The following ZNF395 variants were observed in gnomAD, a reference collection of about 807,000 sequenced individuals.
The protein encoded by ZNF395 is HD gene regulatory region-binding protein 2.
In ZNF395, 20 loss-of-function variants were observed where a neutral mutation model predicts 57.7. The observed-to-expected ratio is 0.35, with a 90% CI of 0.24 to 0.50. The LOEUF (loss-of-function observed/expected upper bound fraction) is 0.50. Among genes scored for constraint, ZNF395 ranks in the 20% least tolerant of loss-of-function variants. The pLI, the probability that ZNF395 is intolerant of heterozygous loss-of-function variation, is 0.97. For missense variants in ZNF395, 606 were observed against 671.2 expected, an observed-to-expected ratio of 0.90 and a Z score of 1.07; for synonymous variants, 295 against 275.9, an observed-to-expected ratio of 1.07 and a Z score of -0.69.
intron 4 of ZNF395, among the ~76,000 whole-genome samples, chr8:28,354,281 G>T (rs1345488750): frequency 6.6e-6 from 1 of 152,116 alleles, no homozygotes; most frequent in East Asian, 1.9e-4. Context: ...GCCCAACCCA[G>T]ACTCTCACTC....
chr8:28,358,162 T>C (rs1801805326), intron 3 of ZNF395, among the ~76,000 whole-genome samples: 2 of 146,024 alleles, frequency 1.4e-5, no homozygotes, highest in African/African-American at 5.0e-5. Context: ...TTTTTTTTTT[T>C]TTTTTTTTTT....
At position 28,345,878 on chromosome 8, in the gene ZNF395, A is replaced by G. The variant is rs1011594384; in HGVS notation, c.*2841T>C. The stretch of plus-strand genomic sequence containing the variant: ...ACCAAATGAATATTGTTCTCCAAGG[A>G]GTCAAGCTATAGACTCACAATGACA... On this transcript the variant is annotated 3_prime_UTR_variant, in exon 10 of 10. Coordinates refer to ENST00000344423, the MANE Select transcript of ZNF395 (RefSeq NM_018660.3). The G allele has an allele frequency of 2.0e-5, 3 of 152,288 alleles. No individual in the cohort carries two copies. Among genetic ancestry groups the G allele is most frequent in the Admixed American group, 2.0e-4 (3 of 15,258 alleles). 9.4% of individuals were successfully genotyped at this position (152,288 alleles called of 1,614,324 possible). A position where few individuals can be genotyped will look rare whatever the true frequency, so the allele number is the denominator to read the frequency against.
intron 1 of ZNF395, among the ~76,000 whole-genome samples, chr8:28,370,417 T>G (rs1456927830): frequency 6.6e-6 from 1 of 152,192 alleles, no homozygotes; most frequent in Non-Finnish European, 1.5e-5. Flanking sequence ...GGAAGCCATT[T>G]AAGGAATCTT....
intron 1 of ZNF395, among the ~76,000 whole-genome samples, chr8:28,363,466 T>G (rs759865243): frequency 2.0e-5 from 3 of 152,142 alleles, no homozygotes; most frequent in Admixed American, 6.5e-5. Context: ...GTCACCTACA[T>G]ACCTTCGTCT....
intron 1 of ZNF395, among the ~76,000 whole-genome samples, chr8:28,364,977 T>C (rs1166206090): frequency 6.6e-6 from 1 of 152,178 alleles, no homozygotes; most frequent in African/African-American, 2.4e-5. Flanking sequence ...TTTATACACA[T>C]ATTGCCCTCT....
intron 1 of ZNF395, among the ~76,000 whole-genome samples, chr8:28,365,012 G>T (rs144994765): frequency 2.3e-4 from 35 of 152,304 alleles, no homozygotes; most frequent in African/African-American, 7.5e-4. Flanking sequence ...AGGGATAATG[G>T]AATCAACCCA....
chr8:28,366,070 C>T (rs1801906883), intron 1 of ZNF395, among the ~76,000 whole-genome samples: 1 of 152,144 alleles, frequency 6.6e-6, no homozygotes. Flanking sequence ...AGTCATAAGT[C>T]AAAGTGATTC....
intron 1 of ZNF395, among the ~76,000 whole-genome samples, chr8:28,379,140 T>C (rs1003382381): frequency 2.0e-5 from 3 of 152,070 alleles, no homozygotes; most frequent in Non-Finnish European, 4.4e-5. Context: ...ACCAGGAAAA[T>C]ATTTGAAGGT....
intron 1 of ZNF395, among the ~76,000 whole-genome samples, chr8:28,377,008 C>T (rs1802050051): frequency 6.6e-6 from 1 of 152,184 alleles, no homozygotes; most frequent in Non-Finnish European, 1.5e-5. Flanking sequence ...TGAGATAAAC[C>T]TCTATTCTCT....
rs370573792 is a variant in ZNF395, at chr8:28,361,041, G to A, written c.84C>T (p.Pro28=). Residue 28 remains proline, a synonymous_variant, in exon 2 of 10, where the codon CCC becomes CCT. Coordinates refer to ENST00000344423, the MANE Select transcript of ZNF395 (RefSeq NM_018660.3). ...GTGGCTCCGAGGGTGGGGCAGCCGA[G>A]GGCCCCTCCGAGGCACTGGGTCCCA... The part of the protein sequence containing the change: ...RVLGPSASEG[P]SAAPPSEPLL... 3.7e-6 allele frequency: 6 copies of A among 1,609,696 alleles called. No homozygotes were observed. The African/African-American group carries it at 6.7e-5, about 18-fold the overall frequency.
chr8:28,348,497 T>C lies in ZNF395; in HGVS notation c.*222A>G, dbSNP rs1801635672. 2.0e-6 allele frequency: 1 copy of C among 507,560 alleles called. No individual in the cohort carries two copies. Among genetic ancestry groups the C allele is most frequent in the African/African-American group, 1.9e-5 (1 of 51,774 alleles). The allele number at this position is 507,560 out of a possible 1,614,324, so 31.4% of individuals were successfully genotyped here. ...ATAGCCTTGGTCAGTTTTGGCTCTC[T>C]CCTATTTTAGGGGGAAAAATATTTT... On this transcript the variant is annotated 3_prime_UTR_variant, in exon 10 of 10. Coordinates refer to ENST00000344423, the MANE Select transcript of ZNF395 (RefSeq NM_018660.3).
chr8:28,350,402 C>T (rs1041025334), intron 7 of ZNF395, among the ~76,000 whole-genome samples: 45 of 152,210 alleles, frequency 3.0e-4, no homozygotes, highest in African/African-American at 1.1e-3. Context: ...CGCTGGTCTA[C>T]GTGCTAGCCT....
At chr8:28,371,166 T>C (rs1373693125) in intron 1 of ZNF395, among the ~76,000 whole-genome samples, 1 of 152,224 alleles carries the variant, frequency 6.6e-6, no homozygotes, top group East Asian at 1.9e-4. Context: ...AGCCCAAATG[T>C]GTCTGATTTC....
In ZNF395 at chr8:28,346,536, C is replaced by A. The variant is rs994027041; in HGVS notation, c.*2183G>T. ...CAAAGCAAAACCACCGTGGTTTCCA[C>A]ACTGCTCTCTCCCTTTATTCCTCTC... On this transcript the variant is annotated 3_prime_UTR_variant, in exon 10 of 10. Transcript: ENST00000344423. 2.0e-5 allele frequency: 3 copies of A among 152,322 alleles called. No homozygotes were observed. The highest frequency in any genetic ancestry group is 7.2e-5 in the African/African-American group (3 of 41,460). The allele number at this position is 152,322 out of a possible 1,614,324, so 9.4% of individuals were successfully genotyped here. A position where few individuals can be genotyped will look rare whatever the true frequency, so the allele number is the denominator to read the frequency against.
intron 1 of ZNF395, chr8:28,385,477 C>G (rs1802164942): frequency 6.7e-6 from 1 of 149,538 alleles, no homozygotes; most frequent in Non-Finnish European, 1.5e-5. Context: ...GGAGGCGGGA[C>G]CGGGCGAGAG....
At chr8:28,368,577 G>A (rs1441791404) in intron 1 of ZNF395, 1 of 151,902 alleles carries the variant, frequency 6.6e-6, no homozygotes, top group East Asian at 1.9e-4. Flanking sequence ...TGGGGAGGGT[G>A]AGTTGGGGGG....
At chr8:28,351,275 T>G in intron 7 of ZNF395, 1 of 490,852 alleles carries the variant, frequency 2.0e-6, no homozygotes. Flanking sequence ...TTTAGCTAGA[T>G]TCCTAGTAAC....
chr8:28,373,490 C>T (rs965682733), intron 1 of ZNF395, among the ~76,000 whole-genome samples: 16 of 142,658 alleles, frequency 1.1e-4, no homozygotes, highest in African/African-American at 3.3e-4. Flanking sequence ...AAACGCCTCA[C>T]GCTTTGCTTG....
intron 4 of ZNF395, among the ~76,000 whole-genome samples, chr8:28,353,873 A>G (rs1429895283): frequency 6.6e-6 from 1 of 152,136 alleles, no homozygotes; most frequent in Non-Finnish European, 1.5e-5. Flanking sequence ...GTTGGGTACC[A>G]CCCAGAGCAT....
Sources: gnomAD v4.1 joint callset for allele counts (sites outside exome capture counted in the v4.1 genomes callset) on GRCh38, gnomAD v4.1.1 for gene constraint, MANE v1.5 for transcripts, NCBI Gene and HGNC (gene_info 2026-07-23, HGNC 2026-07-21) for gene names.